The following PCDH9 variants were observed in gnomAD, a reference collection of about 807,000 sequenced individuals.
PCDH9 encodes the protein protocadherin 9, also known as protocadherin-9.
PCDH9 carries 24 observed loss-of-function variants against 70.6 expected under a neutral mutation model. The ratio of observed to expected loss-of-function variants is 0.34; its 90% CI spans 0.25 to 0.48. The LOEUF (loss-of-function observed/expected upper bound fraction) is 0.48. Among genes scored for constraint, PCDH9 ranks in the 20% least tolerant of loss-of-function variants. PCDH9 has a pLI of 0.99. For synonymous variants in PCDH9, 562 were observed against 558.5 expected (o/e 1.01, Z -0.09); for missense variants, 1,281 against 1,503.6 (o/e 0.85, Z 2.45).
chr13:66,642,885 A>G (rs543568454), intron 3 of PCDH9, among the ~76,000 whole-genome samples: 1 of 152,106 alleles, frequency 6.6e-6, no homozygotes, highest in African/African-American at 2.4e-5. Context: ...TTAAATGCAT[A>G]ATTTCTGTTC....
At chr13:66,573,042 A>G (rs1400257157) in intron 4 of PCDH9, among the ~76,000 whole-genome samples, 4 of 152,160 alleles carry the variant, frequency 2.6e-5, no homozygotes, top group South Asian at 2.1e-4. Flanking sequence ...CTAATTTACA[A>G]TACAAACAAC....
chr13:66,335,484 T>G (rs910746786), intron 4 of PCDH9, among the ~76,000 whole-genome samples: 3 of 152,166 alleles, frequency 2.0e-5, no homozygotes, highest in Non-Finnish European at 4.4e-5. Context: ...TTTGCAGTAC[T>G]TATATACCAG....
chr13:66,402,046 T>C (rs1350654586), intron 4 of PCDH9, among the ~76,000 whole-genome samples: 1 of 152,178 alleles, frequency 6.6e-6, no homozygotes, highest in Non-Finnish European at 1.5e-5. Flanking sequence ...CAGGGAGATA[T>C]TAGAAGTCTG....
intron 3 of PCDH9, among the ~76,000 whole-genome samples, chr13:66,809,884 A>G (rs1299545766): frequency 1.3e-5 from 2 of 152,202 alleles, no homozygotes; most frequent in Admixed American, 1.3e-4. Context: ...TTTTATAAGA[A>G]TATTCCATAT....
At chr13:66,646,194 T>A (rs2138977451) in intron 3 of PCDH9, among the ~76,000 whole-genome samples, 1 of 152,332 alleles carries the variant, frequency 6.6e-6, no homozygotes, top group African/African-American at 2.4e-5. Flanking sequence ...CTAAATACAT[T>A]AACATAAACA....
intron 2 of PCDH9, among the ~76,000 whole-genome samples, chr13:67,033,442 T>C (rs551898239): frequency 1.1e-3 from 166 of 152,308 alleles, no homozygotes; most frequent in African/African-American, 3.9e-3. Context: ...TTTTCTTTCT[T>C]TCCCCTTTTT....
chr13:66,974,716 T>A (rs1435982825), intron 2 of PCDH9, among the ~76,000 whole-genome samples: 1 of 152,082 alleles, frequency 6.6e-6, no homozygotes, highest in Non-Finnish European at 1.5e-5. Flanking sequence ...TGAGCTTAAT[T>A]ACACATTTTA....
In PCDH9 at chr13:66,740,588, C is replaced by T. The variant is rs940798998; in HGVS notation, c.3139-109177G>A. ...GAAAGGATCACCAAAAGTGATAGGCCGCTAGCAAGACTAATAAAGAAAAAA... is the reference window on the plus strand; with the variant it reads ...GAAAGGATCACCAAAAGTGATAGGCTGCTAGCAAGACTAATAAAGAAAAAA... On this transcript the variant is annotated intron_variant, in intron 3 of 4. Coordinates refer to ENST00000377865, the MANE Select transcript of PCDH9 (RefSeq NM_203487.3). 8.0e-4 allele frequency among the ~76,000 whole-genome samples: 118 copies of T among 148,408 alleles called. 1 individual carries two copies. In the East Asian group the frequency reaches 0.01, roughly 13 times the overall value.
At chr13:67,097,031 T>C (rs1040602851) in intron 2 of PCDH9, among the ~76,000 whole-genome samples, 25 of 151,542 alleles carry the variant, frequency 1.6e-4, no homozygotes, top group African/African-American at 6.1e-4. Context: ...GTGGATCACT[T>C]GAGCCCAGGA....
chr13:66,337,382 T>A (rs1396160964), intron 4 of PCDH9, among the ~76,000 whole-genome samples: 2 of 152,030 alleles, frequency 1.3e-5, no homozygotes, highest in African/African-American at 4.8e-5. Flanking sequence ...AAAAACTAGG[T>A]AAGTGATTCA....
chr13:66,731,138 T>G (rs1484061419), intron 3 of PCDH9, among the ~76,000 whole-genome samples: 1 of 151,996 alleles, frequency 6.6e-6, no homozygotes, highest in Non-Finnish European at 1.5e-5. Flanking sequence ...AAGAGAATGA[T>G]GGGTTATTTC....
chr13:67,191,629 T>C (rs2088916915), intron 2 of PCDH9, among the ~76,000 whole-genome samples: 1 of 152,106 alleles, frequency 6.6e-6, no homozygotes. Flanking sequence ...GCCTGCCACT[T>C]CAGGTGTTTC....
intron 2 of PCDH9, among the ~76,000 whole-genome samples, chr13:67,011,342 A>G (rs1273218953): frequency 2.0e-5 from 3 of 151,944 alleles, no homozygotes; most frequent in Admixed American, 2.0e-4. Context: ...CAAATTTATC[A>G]TTTATTAAAT....
At chr13:66,724,641 T>C (rs1184019482) in intron 3 of PCDH9, among the ~76,000 whole-genome samples, 1 of 152,170 alleles carries the variant, frequency 6.6e-6, no homozygotes. Flanking sequence ...CCTCCTTATT[T>C]TGGCGCCCTA....
intron 2 of PCDH9, among the ~76,000 whole-genome samples, chr13:66,938,464 G>T (rs968630154): frequency 6.6e-6 from 1 of 152,170 alleles, no homozygotes; most frequent in Admixed American, 6.5e-5. Flanking sequence ...GTGAATGGGG[G>T]ATGTGGACTG....
At chr13:67,032,979 T>C (rs569434989) in intron 2 of PCDH9, among the ~76,000 whole-genome samples, 1 of 137,010 alleles carries the variant, frequency 7.3e-6, no homozygotes, top group Non-Finnish European at 1.6e-5. Flanking sequence ...TTCTTCTAAT[T>C]TGTCCTTTTT....
At chr13:66,883,755 C>T (rs942885968) in intron 3 of PCDH9, among the ~76,000 whole-genome samples, 5 of 152,060 alleles carry the variant, frequency 3.3e-5, no homozygotes, top group African/African-American at 1.2e-4. Context: ...GCTTGTTTGT[C>T]GCTGCTGCTT....
intron 3 of PCDH9, among the ~76,000 whole-genome samples, chr13:66,700,960 A>G (rs1402191245): frequency 8.3e-6 from 1 of 119,972 alleles, no homozygotes; most frequent in Admixed American, 8.2e-5. Context: ...ATATATATAT[A>G]TATATATATA....
intron 4 of PCDH9, among the ~76,000 whole-genome samples, chr13:66,363,719 T>A (rs991424442): frequency 2.0e-5 from 3 of 152,202 alleles, no homozygotes; most frequent in African/African-American, 7.2e-5. Context: ...TGTACTTAAA[T>A]ATAAGTGACT....
Sources: allele counts gnomAD v4.1 joint callset (sites outside exome capture counted in the v4.1 genomes callset), GRCh38; gene constraint gnomAD v4.1.1; transcripts MANE v1.5; gene names NCBI Gene and HGNC (gene_info 2026-07-23, HGNC 2026-07-21).